ANKRD11: variants seen among roughly 807,000 people sequenced by gnomAD.
ANKRD11 encodes the protein ankyrin repeat domain 11.
ANKRD11 carries 17 observed loss-of-function variants against 195.7 expected under a neutral mutation model. The observed-to-expected ratio is 0.09, with a 90% CI of 0.06 to 0.13. The LOEUF (loss-of-function observed/expected upper bound fraction) is 0.13, where lower values mean the gene tolerates loss of function less well. Ranked by LOEUF, ANKRD11 falls within the 10% of genes least tolerant of loss-of-function variation. The pLI is 1.00. For missense variants in ANKRD11, 3,735 were observed against 3,566.1 expected (o/e 1.05, Z -1.21); for synonymous variants, 1,953 against 1,528.1 (o/e 1.28, Z -6.49).
At chr16:89,408,966 T>G (rs1204955959) in intron 2 of ANKRD11, among the ~76,000 whole-genome samples, 1 of 151,874 alleles carries the variant, frequency 6.6e-6, no homozygotes, top group African/African-American at 2.4e-5. Context: ...TTTCTAAAAG[T>G]AGGAGGAATA....
At chr16:89,462,887 G>A (rs1165722608) in intron 1 of ANKRD11, among the ~76,000 whole-genome samples, 7 of 151,962 alleles carry the variant, frequency 4.6e-5, no homozygotes, top group South Asian at 4.2e-4. Flanking sequence ...CGCCCCATCC[G>A]GGAGGGAGGT....
In ANKRD11 at chr16:89,279,837, C is replaced by T. The variant is rs942026944; in HGVS notation, c.6705G>A (p.Pro2235=). The T allele has an allele frequency of 3.2e-6, 5 of 1,547,692 alleles. No homozygotes were observed. The highest frequency in any genetic ancestry group is 2.7e-5 in the African/African-American group (2 of 73,136). Residue 2235 remains proline (P), a synonymous_variant, in exon 9 of 13, where the codon CCG becomes CCA. Transcript: ENST00000301030. This position sits in a 1 kb window ranked among gnomAD's most constrained non-coding sequence, Gnocchi z 5.6. ...CGGGCGCGGGCTCCACGCTGGAGTC[C>T]GGATCCCCACGGGCCCTCTCTTCCG... ...TVPEERARGD[P]DSSVEPAPVP...
intron 2 of ANKRD11, among the ~76,000 whole-genome samples, chr16:89,331,954 A>T (rs1001972523): frequency 6.6e-6 from 1 of 152,002 alleles, no homozygotes; most frequent in Non-Finnish European, 1.5e-5. Flanking sequence ...TGTTCACCAC[A>T]CTCTCTCTTA....
At chr16:89,393,299 ACT>A (rs1191876578) in intron 2 of ANKRD11, among the ~76,000 whole-genome samples, 1 of 148,540 alleles carries the variant, frequency 6.7e-6, no homozygotes, top group Non-Finnish European at 1.5e-5. Flanking sequence ...TCTTTTTTTT[ACT>A]TTTTTTATTT....
intron 3 of ANKRD11, chr16:89,313,697 T>G: frequency 1.0e-6 from 1 of 963,822 alleles, no homozygotes; most frequent in East Asian, 6.1e-5. Context: ...AGAAGGCAGG[T>G]CAGATGTGTG....
Position 89,305,236 on chromosome 16 carries a change from C to G in ANKRD11, c.196G>C (p.Ala66Pro). 6.2e-7 allele frequency: 1 copy of G among 1,613,580 alleles called. No individual in the cohort carries two copies. Among genetic ancestry groups the G allele is most frequent in the Non-Finnish European group, 8.5e-7 (1 of 1,179,892 alleles). Residue 66 changes from alanine (A) to proline (P), a missense_variant, in exon 4 of 13, where the codon GCC (alanine) becomes CCC (proline). Ala to Pro is a conservative substitution (Grantham distance 27, BLOSUM62 -1). Coordinates refer to ENST00000301030, the MANE Select transcript of ANKRD11 (RefSeq NM_013275.6). ...SKRKLPFTAG[A>P]NGEQKDSDTE... ...TCCGAGTCCTTCTGCTCCCCATTGG[C>G]GCCCGCGGTGAAGGGCAGCTTCCGC...
chr16:89,280,634 G>C lies in ANKRD11; in HGVS notation c.5908C>G (p.Pro1970Ala), dbSNP rs202044071. The C allele has an allele frequency of 1.9e-6, 3 of 1,613,514 alleles. No homozygotes were observed. Among genetic ancestry groups the C allele is most frequent in the Admixed American group, 1.7e-5 (1 of 60,030 alleles). Residue 1970 changes from proline (P) to alanine (A), a missense_variant, in exon 9 of 13, where the codon CCT becomes GCT. Coordinates refer to ENST00000301030, the MANE Select transcript of ANKRD11 (RefSeq NM_013275.6). ...SSLIGGTSEN[P>A]VSWPVGSDLL... ...TCCGAGCCCACAGGCCAGCTCACAG[G>C]GTTTTCAGAGGTGCCCCCGATCAGG...
In ANKRD11 at chr16:89,444,802, T is replaced by TAA. The variant is rs139086360; in HGVS notation, c.-144-26436_-144-26435dup. On this transcript the variant is annotated intron_variant, in intron 1 of 12. Coordinates refer to ENST00000301030, the MANE Select transcript of ANKRD11 (RefSeq NM_013275.6). ...CTGTTATAAATAAATAAATAAAATG[T>TAA]AAAAAAAAGAGAAATTCTACCAAAT... Among the ~76,000 whole-genome samples the TAA allele has an allele frequency of 3.3e-5, 5 of 151,260 alleles. No individual in the cohort carries two copies. In the East Asian group the frequency reaches 5.8e-4, roughly 18 times the overall value.
intron 7 of ANKRD11, chr16:89,288,118 G>A (rs994969257): frequency 5.0e-6 from 3 of 598,062 alleles, no homozygotes; most frequent in Non-Finnish European, 8.9e-6. Context: ...ATGGTTCTGT[G>A]CACTGGCCAC....
intron 2 of ANKRD11, among the ~76,000 whole-genome samples, chr16:89,322,348 G>GT (rs2037377939): frequency 6.6e-6 from 1 of 152,196 alleles, no homozygotes; most frequent in Non-Finnish European, 1.5e-5. Flanking sequence ...AGGCCTTTAC[G>GT]TACGTCCTGG....
intron 1 of ANKRD11, among the ~76,000 whole-genome samples, chr16:89,457,828 T>C (rs2056504070): frequency 6.6e-6 from 1 of 152,156 alleles, no homozygotes; most frequent in Admixed American, 6.5e-5. Flanking sequence ...ATATAAAGTA[T>C]ACAGGTATAA....
At chr16:89,273,509 G>A (rs528930210) in intron 11 of ANKRD11, among the ~76,000 whole-genome samples, 1 of 152,176 alleles carries the variant, frequency 6.6e-6, no homozygotes, top group South Asian at 2.1e-4. Context: ...AGACCATCCT[G>A]GACATGGTGA....
In ANKRD11 at chr16:89,283,290, T is replaced by G. The variant is rs1458303516; in HGVS notation, c.3252A>C (p.Lys1084Asn). Residue 1084 changes from lysine (K) to asparagine (N), a missense_variant, in exon 9 of 13, where the codon AAA (lysine) becomes AAC (asparagine). Physicochemically the swap from Lys to Asn is moderately conservative, Grantham distance 94. Transcript: ENST00000301030. This position sits in a 1 kb window ranked among gnomAD's most constrained non-coding sequence, Gnocchi z 4.3. ...CAGGGAAAGCCTTCTCCTTCTTCTC[T>G]TTCCCTTGGTCGAGAGACGCTTTCC... ...KERKASLDQG[K>N]EKKEKAFPGI... The G allele has an allele frequency of 6.2e-7, 1 of 1,614,210 alleles. No individual in the cohort carries two copies. Among genetic ancestry groups the G allele is most frequent in the Non-Finnish European group, 8.5e-7 (1 of 1,180,046 alleles).
intron 2 of ANKRD11, among the ~76,000 whole-genome samples, chr16:89,354,823 G>A (rs945928236): frequency 5.9e-5 from 9 of 151,842 alleles, no homozygotes; most frequent in African/African-American, 2.2e-4. Context: ...GGAGGCGGAG[G>A]TTGCAGTGAG....
At chr16:89,392,119 T>C (rs2930214) in intron 2 of ANKRD11, among the ~76,000 whole-genome samples, 83,584 of 150,042 alleles carry the variant, frequency 0.56, 22,975 homozygotes, top group Middle Eastern at 0.7. Flanking sequence ...TTCCAGCCAA[T>C]GGAAACCGGA....
intron 6 of ANKRD11, among the ~76,000 whole-genome samples, chr16:89,289,814 G>A (rs2034904758): frequency 6.6e-6 from 1 of 152,236 alleles, no homozygotes; most frequent in Non-Finnish European, 1.5e-5. Flanking sequence ...GCCAAGGCGT[G>A]AGGACTGCTT....
chr16:89,478,241 C>G (rs1257190242), intron 1 of ANKRD11, among the ~76,000 whole-genome samples: 1 of 152,146 alleles, frequency 6.6e-6, no homozygotes, highest in Non-Finnish European at 1.5e-5. Context: ...CCAGTGCCTT[C>G]AAGAACCCCA....
At chr16:89,380,389 G>C (rs1211566408) in intron 2 of ANKRD11, among the ~76,000 whole-genome samples, 4 of 152,164 alleles carry the variant, frequency 2.6e-5, no homozygotes, top group South Asian at 2.1e-4. Context: ...TGGGATTACA[G>C]GTGTGAGCCA....
At chr16:89,406,685 GAGGA>G (rs1567760624) in intron 2 of ANKRD11, among the ~76,000 whole-genome samples, 1 of 152,186 alleles carries the variant, frequency 6.6e-6, no homozygotes, top group African/African-American at 2.4e-5. Flanking sequence ...CATCTGCCTG[GAGGA>G]AGGAAGGACA....
Sources: gnomAD v4.1 joint callset for allele counts (sites outside exome capture counted in the v4.1 genomes callset) on GRCh38, gnomAD v4.1.1 for gene constraint, Gnocchi (gnomAD v3.1) non-coding constraint, MANE v1.5 for transcripts, NCBI Gene and HGNC (gene_info 2026-07-23, HGNC 2026-07-21) for gene names.